The following MAGEB10 variants were observed in gnomAD, a reference collection of about 807,000 sequenced individuals.
MAGEB10 encodes the protein MAGE family member B10.
For synonymous variants in MAGEB10, 99 were observed against 101.0 expected (o/e 0.98, Z 0.12); for missense variants, 190 against 261.9 (o/e 0.73, Z 1.89).
chrX:27,821,257 G>T lies in MAGEB10; in HGVS notation c.-49-1G>T. 9.3e-7 allele frequency: 1 copy of T among 1,078,526 alleles called. No homozygotes were observed. 88.9% of individuals were successfully genotyped at this position (1,078,526 alleles called of 1,213,427 possible). A position where few individuals can be genotyped will look rare whatever the true frequency, so the allele number is the denominator to read the frequency against. On this transcript the variant is annotated splice_acceptor_variant, in intron 2 of 2. Transcript: ENST00000356790. LOFTEE classifies it low-confidence loss of function (5UTR_SPLICE). ...ACCCCATTTCATCTTCTCTTCTCCA[G>T]GTCACGGGATCACCTGCCTTTTTGG... is the stretch of plus-strand genomic sequence containing the variant.
chrX:27,815,093 C>T (rs1923758569), intron 1 of MAGEB10, among the ~76,000 whole-genome samples: 1 of 111,716 alleles, frequency 9.0e-6, no homozygotes, highest in Non-Finnish European at 1.9e-5. Context: ...GGACCAGATC[C>T]AGCACTTCCC....
chrX:27,816,809 A>G (rs1389253913), intron 1 of MAGEB10, among the ~76,000 whole-genome samples: 1 of 112,094 alleles, frequency 8.9e-6, no homozygotes, highest in Non-Finnish European at 1.9e-5. Flanking sequence ...GGGTGTTTTC[A>G]TAACAAATTT....
In MAGEB10 at chrX:27,822,509, T is replaced by C. The variant is rs745558574; in HGVS notation, c.*159T>C. On this transcript the variant is annotated 3_prime_UTR_variant, in exon 3 of 3. Transcript: ENST00000356790. ...TTGAAGATGTTGTTCCTTTAATAGA[T>C]GGTTAAAGTAGCTTCACTATCTAAG... 36 of 491,385 alleles carry C rather than the reference T, an allele frequency of 7.3e-5. No homozygotes were observed. Among genetic ancestry groups the C allele is most frequent in the African/African-American group, 7.0e-4 (29 of 41,550 alleles). The allele number at this position is 491,385 out of a possible 1,213,427, so 40.5% of individuals were successfully genotyped here.
intron 1 of MAGEB10, among the ~76,000 whole-genome samples, chrX:27,809,417 C>A (rs1375073283): frequency 5.9e-5 from 2 of 33,901 alleles, no homozygotes; most frequent in Non-Finnish European, 1.0e-4. Context: ...CCCCGCCAGC[C>A]CCCCCCAACC....
intron 1 of MAGEB10, among the ~76,000 whole-genome samples, chrX:27,810,953 C>T (rs1274719694): frequency 9.2e-6 from 1 of 109,100 alleles, no homozygotes; most frequent in Non-Finnish European, 1.9e-5. Context: ...CCTTGGGAAG[C>T]CCTGGGCAGA....
At chrX:27,809,618 G>A (rs1378524437) in intron 1 of MAGEB10, among the ~76,000 whole-genome samples, 1 of 50,386 alleles carries the variant, frequency 2.0e-5, no homozygotes, top group African/African-American at 8.0e-5. Flanking sequence ...CCTGACGAGC[G>A]CCGCCCCCCG....
chrX:27,815,218 C>G (rs531446795), intron 1 of MAGEB10, among the ~76,000 whole-genome samples: 34 of 112,332 alleles, frequency 3.0e-4, no homozygotes, highest in African/African-American at 9.4e-4. Flanking sequence ...GCACCCTGCT[C>G]CCTATGGGAA....
chrX:27,809,216 C>T (rs1003946199), intron 1 of MAGEB10, among the ~76,000 whole-genome samples: 2 of 110,804 alleles, frequency 1.8e-5, no homozygotes, highest in South Asian at 3.8e-4. Context: ...ATGAGCTTGG[C>T]GGGCCCGGCA....
chrX:27,808,447 C>T (rs1401668223), intron 1 of MAGEB10, among the ~76,000 whole-genome samples: 1 of 112,034 alleles, frequency 8.9e-6, no homozygotes, highest in African/African-American at 3.2e-5. Context: ...CCGGATGTCA[C>T]ACACACTTCC....
intron 1 of MAGEB10, among the ~76,000 whole-genome samples, chrX:27,814,856 A>G (rs904731565): frequency 1.2e-4 from 14 of 112,197 alleles, no homozygotes; most frequent in Middle Eastern, 4.2e-3. Flanking sequence ...CATGAAGCAC[A>G]TGTCTGTCTT....
At chrX:27,811,954 A>G (rs769812229) in intron 1 of MAGEB10, 2 of 134,698 alleles carry the variant, frequency 1.5e-5, no homozygotes, top group Admixed American at 1.6e-4. Flanking sequence ...GAGCCCAAGG[A>G]CGTGGAAGGT....
intron 1 of MAGEB10, chrX:27,812,720 T>C: frequency 8.1e-6 from 3 of 370,914 alleles, no homozygotes; most frequent in South Asian, 7.6e-5. Context: ...CACGAGCCTA[T>C]GCTGAAACCA....
intron 1 of MAGEB10, among the ~76,000 whole-genome samples, chrX:27,809,420 C>CT (rs1235065275): frequency 2.9e-5 from 1 of 34,166 alleles, no homozygotes. Flanking sequence ...CGCCAGCCCC[C>CT]CCCAACCCCG....
At chrX:27,812,350 C>A in intron 1 of MAGEB10, 1 of 144,093 alleles carries the variant, frequency 6.9e-6, no homozygotes. Context: ...AGGAGAGCTT[C>A]TGATCACCTG....
At chrX:27,818,112 G>A (rs964175059) in intron 2 of MAGEB10, among the ~76,000 whole-genome samples, 1 of 111,195 alleles carries the variant, frequency 9.0e-6, no homozygotes, top group African/African-American at 3.3e-5. Context: ...TGTAGGCTGA[G>A]CTGTCCAGAG....
chrX:27,821,389 C>G lies in MAGEB10; in HGVS notation c.83C>G (p.Ala28Gly). 1 of 1,211,565 alleles carries G rather than the reference C, an allele frequency of 8.3e-7. No individual in the cohort carries two copies. Among genetic ancestry groups the G allele is most frequent in the Non-Finnish European group, 1.1e-6 (1 of 895,353 alleles). ...ARGGLEDLID[A>G]LDILEEEEES... Reference sequence around the variant, plus strand: ...GGAGGGCTGGAAGATTTGATAGATGCTCTGGACATTTTAGAAGAGGAGGAA... The same window carrying G: ...GGAGGGCTGGAAGATTTGATAGATGGTCTGGACATTTTAGAAGAGGAGGAA... Residue 28 changes from alanine to glycine, a missense_variant, in exon 3 of 3, where the codon GCT (alanine) becomes GGT (glycine). Transcript: ENST00000356790.
chrX:27,821,262 C>T lies in MAGEB10; in HGVS notation c.-45C>T. On this transcript the variant is annotated 5_prime_UTR_variant, in exon 3 of 3. The change creates a new upstream start codon in the 5' untranslated region. Transcript: ENST00000356790. Reference sequence around the variant, plus strand: ...ATTTCATCTTCTCTTCTCCAGGTCACGGGATCACCTGCCTTTTTGGCTGCT... The same window carrying T: ...ATTTCATCTTCTCTTCTCCAGGTCATGGGATCACCTGCCTTTTTGGCTGCT... 9.1e-7 allele frequency: 1 copy of T among 1,103,772 alleles called. No individual in the cohort carries two copies. The allele number at this position is 1,103,772 out of a possible 1,213,427, so 91.0% of individuals were successfully genotyped here.
intron 1 of MAGEB10, among the ~76,000 whole-genome samples, chrX:27,809,153 G>A (rs902108504): frequency 2.7e-5 from 3 of 111,526 alleles, no homozygotes; most frequent in Admixed American, 9.4e-5. Context: ...AGGCCTGGGC[G>A]GGAACCAGGG....
intron 1 of MAGEB10, chrX:27,812,011 C>T (rs1260435170): frequency 8.4e-6 from 1 of 118,718 alleles, no homozygotes; most frequent in Non-Finnish European, 1.9e-5. Flanking sequence ...ACTTCATCTC[C>T]TCATTTCAAA....
Sources: allele counts gnomAD v4.1 joint callset (sites outside exome capture counted in the v4.1 genomes callset), GRCh38; gene constraint gnomAD v4.1.1; transcripts MANE v1.5; gene names NCBI Gene and HGNC (gene_info 2026-07-23, HGNC 2026-07-21).